Variants in ROBO2 observed in about 807,000 individuals in gnomAD.
ROBO2 encodes the protein roundabout homolog 2.
Under a neutral mutation model 160.8 loss-of-function variants are expected in ROBO2, and 53 were observed. That is an observed-to-expected ratio of 0.33 (90% CI 0.26 to 0.41). The LOEUF is 0.41. Among genes scored for constraint, ROBO2 ranks in the 10% least tolerant of loss-of-function variants. The pLI is 1.00. For missense variants in ROBO2, 1,577 were observed against 1,722.4 expected (o/e 0.92, Z 1.49); for synonymous variants, 664 against 611.7 (o/e 1.09, Z -1.26).
chr3:77,035,097 G>C (rs928375232), upstream of ROBO2, among the ~76,000 whole-genome samples: 1 of 151,880 alleles, frequency 6.6e-6, no homozygotes, highest in African/African-American at 2.4e-5. Flanking sequence ...TTGCGAGGCT[G>C]ACTATTCTCA....
chr3:77,582,120 C>T (rs1013105983), intron 16 of ROBO2, among the ~76,000 whole-genome samples: 6 of 152,122 alleles, frequency 3.9e-5, no homozygotes, highest in Non-Finnish European at 8.8e-5. Context: ...ACCCATGTTT[C>T]TCTGTATTTA....
At chr3:76,241,335 A>G (rs1169634634) in intron 2 of ROBO2, among the ~76,000 whole-genome samples, 1 of 152,264 alleles carries the variant, frequency 6.6e-6, no homozygotes, top group African/African-American at 2.4e-5. Context: ...CAAACAAACG[A>G]CGATGTCAAA....
At chr3:76,150,708 C>A (rs2072162959) in intron 2 of ROBO2, among the ~76,000 whole-genome samples, 1 of 152,164 alleles carries the variant, frequency 6.6e-6, no homozygotes, top group Non-Finnish European at 1.5e-5. Flanking sequence ...TAAAATACCA[C>A]TTCATCCCCA....
chr3:76,555,418 A>AAGAAGAAGAAG (rs879848225), intron 2 of ROBO2, among the ~76,000 whole-genome samples: 5 of 80,170 alleles, frequency 6.2e-5, no homozygotes, highest in Non-Finnish European at 8.4e-5. Context: ...GAAGAAGAAG[A>AAGAAGAAGAAG]AAGAAGGAGA....
chr3:77,622,412 A>C, exon 23 of ROBO2: 1 of 1,614,142 alleles, frequency 6.2e-7, no homozygotes, highest in Non-Finnish European at 8.5e-7. Context: ...AGCATGGACA[A>C]TCTAGACAGC....
intron 2 of ROBO2, among the ~76,000 whole-genome samples, chr3:76,674,541 G>A (rs774454): frequency 0.46 from 69,761 of 151,274 alleles, 16,511 homozygotes; most frequent in African/African-American, 0.55. Context: ...TACAAAGATA[G>A]AAAGTGAGAA....
intron 2 of ROBO2, among the ~76,000 whole-genome samples, chr3:76,440,866 C>T (rs930359407): frequency 2.0e-5 from 3 of 149,958 alleles, no homozygotes. Flanking sequence ...AGGCTGCCTC[C>T]ACTGTAAAAC....
intron 2 of ROBO2, among the ~76,000 whole-genome samples, chr3:76,036,188 C>T (rs575300720): frequency 2.6e-5 from 4 of 152,064 alleles, no homozygotes; most frequent in South Asian, 4.2e-4. Context: ...CTCACTCTGT[C>T]GCCCAGGCTG....
intron 1 of ROBO2, among the ~76,000 whole-genome samples, chr3:77,071,703 T>C (rs1275431742): frequency 6.6e-6 from 1 of 152,184 alleles, no homozygotes; most frequent in Non-Finnish European, 1.5e-5. Flanking sequence ...CTGTCTTTGC[T>C]GTTCCAGGGT....
intron 2 of ROBO2, among the ~76,000 whole-genome samples, chr3:77,286,824 AT>A (rs369193034): frequency 6.6e-6 from 1 of 152,146 alleles, no homozygotes; most frequent in African/African-American, 2.4e-5. Flanking sequence ...ACTTTTCCTT[AT>A]TTGTTTGTGG....
chr3:76,023,613 T>C (rs2066641912), intron 2 of ROBO2, among the ~76,000 whole-genome samples: 1 of 151,520 alleles, frequency 6.6e-6, no homozygotes, highest in Admixed American at 6.6e-5. Context: ...CACAAACAAT[T>C]ACAATAGTGA....
intron 11 of ROBO2, 48 bp downstream of exon 12, chr3:77,563,377 T>A (rs2093388176): frequency 1.3e-6 from 2 of 1,576,334 alleles, no homozygotes; most frequent in Non-Finnish European, 1.7e-6. Flanking sequence ...CTTAGCTCCT[T>A]TATTCTAAAA....
chr3:76,032,935 A>G (rs755453303), intron 2 of ROBO2, among the ~76,000 whole-genome samples: 1 of 152,172 alleles, frequency 6.6e-6, no homozygotes, highest in African/African-American at 2.4e-5. Context: ...CTGCTTGTTT[A>G]GACAAGATAG....
intron 2 of ROBO2, among the ~76,000 whole-genome samples, chr3:76,971,420 G>A (rs2059566197): frequency 6.6e-6 from 1 of 151,932 alleles, no homozygotes; most frequent in African/African-American, 2.4e-5. Context: ...AACTACTTAT[G>A]TACCCAGATT....
chr3:76,750,024 T>C (rs149382186), intron 2 of ROBO2, among the ~76,000 whole-genome samples: 1 of 152,086 alleles, frequency 6.6e-6, no homozygotes, highest in African/African-American at 2.4e-5. Flanking sequence ...ATATCCCTGA[T>C]GAACATTGAT....
At chr3:77,366,783 G>C (rs2070942126) in intron 2 of ROBO2, among the ~76,000 whole-genome samples, 1 of 151,958 alleles carries the variant, frequency 6.6e-6, no homozygotes, top group Admixed American at 6.6e-5. Context: ...GAGAGAAAGA[G>C]ACAGAGAGAG....
At chr3:77,310,778 A>G (rs1206991798) in intron 2 of ROBO2, among the ~76,000 whole-genome samples, 1 of 152,000 alleles carries the variant, frequency 6.6e-6, no homozygotes, top group Non-Finnish European at 1.5e-5. Context: ...AGATTTACCA[A>G]TACAATATCT....
At chr3:77,114,546 T>C (rs933460281) in intron 2 of ROBO2, among the ~76,000 whole-genome samples, 1 of 152,162 alleles carries the variant, frequency 6.6e-6, no homozygotes, top group African/African-American at 2.4e-5. Flanking sequence ...TGTTCATGTA[T>C]CCATGTCTAC....
chr3:77,167,288 T>C (rs1244179007), intron 2 of ROBO2, among the ~76,000 whole-genome samples: 1 of 152,202 alleles, frequency 6.6e-6, no homozygotes, highest in African/African-American at 2.4e-5. Context: ...GTATTCTGAA[T>C]AGAGTATCAA....
Sources: gnomAD v4.1 joint callset for allele counts (sites outside exome capture counted in the v4.1 genomes callset) on GRCh38, gnomAD v4.1.1 for gene constraint, MANE v1.5 for transcripts, NCBI Gene and HGNC (gene_info 2026-07-23, HGNC 2026-07-21) for gene names.